The following KLHL13 variants were observed in gnomAD, a reference collection of about 807,000 sequenced individuals.
KLHL13 encodes kelch-like protein 13.
A neutral mutation model predicts 37.1 loss-of-function variants in KLHL13; 10 were observed. That is an observed-to-expected ratio of 0.27 (90% CI 0.17 to 0.46). The LOEUF is 0.46. Ranked by LOEUF, KLHL13 falls within the 20% of genes least tolerant of loss-of-function variation. KLHL13 has a pLI of 1.00. For synonymous variants in KLHL13, 163 were observed against 181.2 expected, an observed-to-expected ratio of 0.90 and a Z score of 0.81; for missense variants, 360 against 509.3, an observed-to-expected ratio of 0.71 and a Z score of 2.82.
chrX:118,093,948 G>A (rs956394972), intron 1 of KLHL13, among the ~76,000 whole-genome samples: 3 of 109,711 alleles, frequency 2.7e-5, no homozygotes, highest in Non-Finnish European at 5.7e-5. Context: ...CAACGTGAGC[G>A]ACACAGAAGA....
chrX:118,058,989 C>T (rs1187211220), intron 1 of KLHL13, among the ~76,000 whole-genome samples: 1 of 111,395 alleles, frequency 9.0e-6, no homozygotes, highest in Non-Finnish European at 1.9e-5. Context: ...ATCTGTTTGG[C>T]CAACTGGTTT....
intron 1 of KLHL13, among the ~76,000 whole-genome samples, chrX:118,019,124 T>C (rs964551193): frequency 9.0e-6 from 1 of 111,235 alleles, no homozygotes; most frequent in Non-Finnish European, 1.9e-5. Context: ...TTAACTATTG[T>C]CCTCATGCCA....
intron 1 of KLHL13, among the ~76,000 whole-genome samples, chrX:118,100,770 G>A (rs770668854): frequency 7.2e-5 from 8 of 111,216 alleles, no homozygotes; most frequent in Non-Finnish European, 1.3e-4. Flanking sequence ...AAATTCTCCC[G>A]TATATCCTTG....
At chrX:117,977,327 A>G (rs927344584), upstream of KLHL13, among the ~76,000 whole-genome samples, 2 of 112,245 alleles carry the variant, frequency 1.8e-5, no homozygotes, top group Non-Finnish European at 3.8e-5. Flanking sequence ...CAGTCACAGT[A>G]TAAGAGAAAA....
At chrX:117,990,223 T>C (rs944620573) in intron 1 of KLHL13, among the ~76,000 whole-genome samples, 5 of 111,797 alleles carry the variant, frequency 4.5e-5, no homozygotes, top group Non-Finnish European at 7.5e-5. Context: ...TATGTGTGCC[T>C]GGCAGGGGGC....
chrX:117,910,014 A>T lies in KLHL13; in HGVS notation c.653T>A (p.Phe218Tyr), dbSNP rs542406205. ...CAATGCAGGAAAATTCTTCAAGACG[A>T]AACTGTTAACGTATTTATCCACTTC... is the stretch of plus-strand genomic sequence containing the variant. The change falls in exon 5 of 7, where the codon TTC becomes TAC. Residue 218 changes from phenylalanine (F) to tyrosine (Y), a missense_variant. Coordinates refer to ENST00000262820, the Ensembl canonical transcript of KLHL13. The T allele has an allele frequency of 5.0e-6, 6 of 1,206,666 alleles. No homozygotes were observed. Among genetic ancestry groups the T allele is most frequent in the East Asian group, 5.9e-5 (2 of 33,755 alleles).
chrX:118,069,142 CA>C (rs2054827695), intron 1 of KLHL13, among the ~76,000 whole-genome samples: 2 of 109,552 alleles, frequency 1.8e-5, no homozygotes, highest in South Asian at 8.0e-4. Flanking sequence ...CACACACACA[CA>C]CACACCCTCA....
intron 1 of KLHL13, among the ~76,000 whole-genome samples, chrX:117,950,394 G>C (rs1342573874): frequency 9.0e-6 from 1 of 111,673 alleles, no homozygotes; most frequent in African/African-American, 3.3e-5. Context: ...TTGAACCTGG[G>C]GGGCGGAGGG....
chrX:118,023,944 C>T (rs980110853), intron 1 of KLHL13, among the ~76,000 whole-genome samples: 5 of 112,109 alleles, frequency 4.5e-5, no homozygotes, highest in African/African-American at 1.6e-4. Context: ...CAGGTTTTGA[C>T]ATTTGAACTA....
At chrX:117,945,639 A>C in intron 1 of KLHL13, 64 bp from the exon 3 acceptor site, 1 of 974,093 alleles carries the variant, frequency 1.0e-6, no homozygotes, top group Non-Finnish European at 1.4e-6. Context: ...CAATGAGATT[A>C]TTTAGAAAAA....
chrX:117,999,256 C>A (rs903478459), intron 1 of KLHL13, among the ~76,000 whole-genome samples: 3 of 111,602 alleles, frequency 2.7e-5, no homozygotes, highest in Non-Finnish European at 5.6e-5. Context: ...ATGCTTATTG[C>A]GGCACTACTC....
chrX:117,919,010 T>C (rs1238438874), intron 4 of KLHL13, among the ~76,000 whole-genome samples: 1 of 111,735 alleles, frequency 8.9e-6, no homozygotes, highest in Non-Finnish European at 1.9e-5. Context: ...CTCATGTCAT[T>C]TGATTACACA....
In KLHL13 at chrX:117,903,323, C is replaced by T. The variant is rs144993154; in HGVS notation, c.1367-1377G>A. 4.0e-3 allele frequency among the ~76,000 whole-genome samples: 442 copies of T among 111,669 alleles called. 2 individuals are homozygous for T. The highest frequency in any genetic ancestry group is 6.3e-3 in the Non-Finnish European group (335 of 53,077). ...ACTTCTTGTATCTCTCTACTGACTT[C>T]CTTTTCCACTTACTTTAGCTTTGAA... On this transcript the variant is annotated intron_variant, in intron 5 of 6. Coordinates refer to ENST00000262820, the Ensembl canonical transcript of KLHL13.
At chrX:118,010,743 A>T (rs921843242) in intron 1 of KLHL13, among the ~76,000 whole-genome samples, 8 of 103,534 alleles carry the variant, frequency 7.7e-5, no homozygotes, top group South Asian at 8.6e-4. Flanking sequence ...AATATAATTT[A>T]AAAAAAAAAA....
chrX:118,045,265 T>C (rs1448816992), intron 1 of KLHL13, among the ~76,000 whole-genome samples: 1 of 106,789 alleles, frequency 9.4e-6, no homozygotes, highest in Non-Finnish European at 1.9e-5. Context: ...TCTCAGTTAC[T>C]AGGGAGGCTG....
chrX:118,039,799 A>G (rs189986796), intron 1 of KLHL13, among the ~76,000 whole-genome samples: 259 of 111,512 alleles, frequency 2.3e-3, no homozygotes, highest in African/African-American at 7.8e-3. Context: ...GGGCTGTGCT[A>G]GCATCAGGTG....
intron 1 of KLHL13, among the ~76,000 whole-genome samples, chrX:118,017,420 T>C (rs1395684265): frequency 9.0e-6 from 1 of 111,583 alleles, no homozygotes; most frequent in Non-Finnish European, 1.9e-5. Context: ...AAAGGCAACA[T>C]GGCTAGATTT....
intron 1 of KLHL13, among the ~76,000 whole-genome samples, chrX:117,995,338 T>G (rs1340238448): frequency 1.8e-5 from 2 of 112,296 alleles, no homozygotes; most frequent in African/African-American, 6.5e-5. Context: ...CATCATCCTA[T>G]TCCCCATAAA....
chrX:118,041,409 C>A (rs908783251), intron 1 of KLHL13, among the ~76,000 whole-genome samples: 2 of 110,855 alleles, frequency 1.8e-5, no homozygotes, highest in Non-Finnish European at 1.9e-5. Flanking sequence ...TGCCTATAGT[C>A]CCAGCTACTA....
Sources: allele counts gnomAD v4.1 joint callset (sites outside exome capture counted in the v4.1 genomes callset), GRCh38; gene constraint gnomAD v4.1.1; transcripts MANE v1.5; gene names NCBI Gene and HGNC (gene_info 2026-07-23, HGNC 2026-07-21).